Variants in AK5 observed in about 807,000 individuals in gnomAD.
AK5 encodes the protein adenylate kinase 5.
AK5 carries 27 observed loss-of-function variants against 69.5 expected under a neutral mutation model. That is an observed-to-expected ratio of 0.39 (90% CI 0.29 to 0.54). AK5 has a LOEUF of 0.54. Among genes scored for constraint, AK5 ranks in the 20% least tolerant of loss-of-function variants. The pLI is 0.71. For synonymous variants in AK5, 260 were observed against 244.4 expected (o/e 1.06, Z -0.60); for missense variants, 531 against 700.4 (o/e 0.76, Z 2.73).
intron 6 of AK5, among the ~76,000 whole-genome samples, chr1:77,367,570 T>TA (rs1646981050): frequency 4.8e-5 from 2 of 41,698 alleles, no homozygotes; most frequent in East Asian, 6.4e-4. Flanking sequence ...TATATATATA[T>TA]ATATATATAA....
intron 10 of AK5, among the ~76,000 whole-genome samples, chr1:77,490,637 T>C (rs1655925281): frequency 6.6e-6 from 1 of 152,182 alleles, no homozygotes; most frequent in Non-Finnish European, 1.5e-5. Flanking sequence ...CCTGCACTGA[T>C]ATACAAGACA....
intron 10 of AK5, among the ~76,000 whole-genome samples, chr1:77,496,038 G>T (rs111513046): frequency 2.0e-5 from 3 of 152,320 alleles, no homozygotes; most frequent in African/African-American, 7.2e-5. Flanking sequence ...GTCTAAAGGA[G>T]CTCATGTTGT....
intron 5 of AK5, among the ~76,000 whole-genome samples, chr1:77,339,974 A>G (rs543714400): frequency 8.4e-4 from 128 of 152,302 alleles, no homozygotes; most frequent in African/African-American, 3.0e-3. Flanking sequence ...TAATTTTTAA[A>G]TGGCACCAAA....
intron 10 of AK5, among the ~76,000 whole-genome samples, chr1:77,486,578 G>A (rs1265557796): frequency 2.0e-5 from 3 of 151,726 alleles, no homozygotes; most frequent in Admixed American, 1.3e-4. Context: ...GGCGCCTGTA[G>A]TCCCAGCTAC....
intron 6 of AK5, among the ~76,000 whole-genome samples, chr1:77,395,663 T>C (rs1321374197): frequency 6.6e-6 from 1 of 152,146 alleles, no homozygotes. Flanking sequence ...GCAAATGTCT[T>C]TGGAAGGCTC....
intron 10 of AK5, among the ~76,000 whole-genome samples, chr1:77,512,897 T>C (rs917810663): frequency 1.3e-5 from 2 of 152,196 alleles, no homozygotes; most frequent in Non-Finnish European, 2.9e-5. Flanking sequence ...TTTTCAAATG[T>C]AGACTTGACA....
At chr1:77,555,875 A>G (rs1204336866) in intron 13 of AK5, among the ~76,000 whole-genome samples, 1 of 152,212 alleles carries the variant, frequency 6.6e-6, no homozygotes, top group Non-Finnish European at 1.5e-5. Context: ...CATTGATGAT[A>G]ACCAGGAAAT....
chr1:77,342,979 A>T (rs2602931), intron 6 of AK5, among the ~76,000 whole-genome samples: 149,686 of 152,240 alleles, frequency 0.98, 73,644 homozygotes, highest in East Asian at 1. Context: ...ATTTTGGCAC[A>T]GACATATTGC....
chr1:77,458,967 G>T (rs999938312), intron 8 of AK5, among the ~76,000 whole-genome samples: 1 of 152,144 alleles, frequency 6.6e-6, no homozygotes, highest in South Asian at 2.1e-4. Flanking sequence ...GGAACTTCTG[G>T]TGTCTTGCCC....
intron 5 of AK5, among the ~76,000 whole-genome samples, chr1:77,299,694 G>A (rs868457866): frequency 2.2e-4 from 33 of 152,098 alleles, no homozygotes; most frequent in Admixed American, 3.9e-4. Context: ...TGTTGAAAGC[G>A]GGTGCTATGG....
chr1:77,550,790 C>T (rs537057659), intron 13 of AK5, among the ~76,000 whole-genome samples: 3 of 152,292 alleles, frequency 2.0e-5, no homozygotes, highest in Admixed American at 2.0e-4. Context: ...TAGGAAGAGT[C>T]GAGCTAACCT....
At chr1:77,481,992 A>G (rs1234222619) in intron 8 of AK5, among the ~76,000 whole-genome samples, 5 of 152,258 alleles carry the variant, frequency 3.3e-5, no homozygotes, top group Non-Finnish European at 7.3e-5. Flanking sequence ...AACATTCTGT[A>G]CTTATATGGA....
intron 6 of AK5, among the ~76,000 whole-genome samples, chr1:77,406,524 T>C (rs944119011): frequency 6.9e-6 from 1 of 145,866 alleles, no homozygotes; most frequent in Non-Finnish European, 1.5e-5. Flanking sequence ...CCTAATGATA[T>C]CCTGTTTTTT....
intron 8 of AK5, among the ~76,000 whole-genome samples, chr1:77,452,050 T>C (rs1185711952): frequency 6.6e-6 from 1 of 152,200 alleles, no homozygotes; most frequent in East Asian, 1.9e-4. Flanking sequence ...CAGGGAAAAT[T>C]GCCATTATTT....
chr1:77,318,801 T>C lies in AK5; in HGVS notation c.699+20854T>C, dbSNP rs150866884. ...AAGAGTTGGAGATTTCTGTCTACTCTCCACTTCTTCAGCAAATTATGTTAC... is the reference window on the plus strand; with the variant it reads ...AAGAGTTGGAGATTTCTGTCTACTCCCCACTTCTTCAGCAAATTATGTTAC... On this transcript the variant is annotated intron_variant, in intron 5 of 13. Transcript: ENST00000354567. 2.0e-5 allele frequency among the ~76,000 whole-genome samples: 3 copies of C among 152,088 alleles called. No individual in the cohort carries two copies. The East Asian group carries it at 5.8e-4, about 30-fold the overall frequency.
At chr1:77,518,531 G>A in intron 10 of AK5, 33 bp from the exon 11 acceptor site, 1 of 1,607,198 alleles carries the variant, frequency 6.2e-7, no homozygotes, top group Non-Finnish European at 8.5e-7. Context: ...ACCAGACTTG[G>A]AATGCATGTC....
chr1:77,366,959 A>T (rs1646961062), intron 6 of AK5, among the ~76,000 whole-genome samples: 1 of 152,088 alleles, frequency 6.6e-6, no homozygotes, highest in Non-Finnish European at 1.5e-5. Flanking sequence ...GTTAAATGTC[A>T]ACGGTCTACC....
chr1:77,519,532 A>G (rs1657863536), intron 11 of AK5, among the ~76,000 whole-genome samples: 1 of 152,250 alleles, frequency 6.6e-6, no homozygotes, highest in African/African-American at 2.4e-5. Flanking sequence ...GAAAGAATTC[A>G]GGGCAAGTTG....
chr1:77,548,162 A>G (rs1244208069), intron 13 of AK5, among the ~76,000 whole-genome samples: 4 of 152,214 alleles, frequency 2.6e-5, no homozygotes, highest in African/African-American at 9.6e-5. Flanking sequence ...GGGAAGTCCT[A>G]TTTATAGACA....
Sources: allele counts gnomAD v4.1 joint callset (sites outside exome capture counted in the v4.1 genomes callset), GRCh38; gene constraint gnomAD v4.1.1; transcripts MANE v1.5; gene names NCBI Gene and HGNC (gene_info 2026-07-23, HGNC 2026-07-21).